The following ZMYM2 variants were observed in gnomAD, a reference collection of about 807,000 sequenced individuals.
ZMYM2 encodes the protein zinc finger MYM-type containing 2.
In ZMYM2, 56 loss-of-function variants were observed where a neutral mutation model predicts 162.8. That is an observed-to-expected ratio of 0.34 (90% confidence interval 0.28 to 0.43). ZMYM2 has a LOEUF of 0.43. Among genes scored for constraint, ZMYM2 ranks in the 20% least tolerant of loss-of-function variants. The pLI is 1.00. For synonymous variants in ZMYM2, 510 were observed against 541.6 expected (o/e 0.94, Z 0.81); for missense variants, 1,275 against 1,621.8 (o/e 0.79, Z 3.67).
At chr13:20,019,654 C>A (rs765143430) in intron 7 of ZMYM2, 36 bp downstream of exon 7, 75 of 1,538,670 alleles carry the variant, frequency 4.9e-5, no homozygotes, top group Non-Finnish European at 6.5e-5. Context: ...AAGGCCTTAA[C>A]ATTTTTGAGC....
the ZMYM2 span, among the ~76,000 whole-genome samples, chr13:19,886,070 A>G: frequency 6.8e-6 from 1 of 147,086 alleles, no homozygotes; most frequent in Non-Finnish European, 1.5e-5. Context: ...TAGGTTCTAT[A>G]TCCATCTTTT....
chr13:19,912,141 A>C, the ZMYM2 span, among the ~76,000 whole-genome samples: 1 of 152,134 alleles, frequency 6.6e-6, no homozygotes, highest in Non-Finnish European at 1.5e-5. Context: ...TGAGTTGGCA[A>C]ATGCTTTCTT....
intron 12 of ZMYM2, 112 bp downstream of exon 12, chr13:20,037,021 G>A (rs867169804): frequency 6.1e-6 from 6 of 980,752 alleles, no homozygotes; most frequent in South Asian, 4.7e-5. Context: ...CACACTTAAG[G>A]CCCAGCCCTG....
In ZMYM2 at chr13:20,085,836, A is replaced by T; in HGVS notation, c.3956A>T (p.Asn1319Ile). 1 of 1,606,780 alleles carries T rather than the reference A, an allele frequency of 6.2e-7. No individual in the cohort carries two copies. Among genetic ancestry groups the T allele is most frequent in the South Asian group, 1.1e-5 (1 of 89,570 alleles). The change falls in exon 25 of 25, where the codon AAT becomes ATT. Residue 1319 changes from asparagine (N) to isoleucine (I), a missense_variant. By Grantham distance (149) the Asn-to-Ile change is moderately radical (BLOSUM62 -3). Transcript: ENST00000610343. The stretch of plus-strand genomic sequence containing the variant: ...CGCCTCCAAAGTCCACAGAATCTTA[A>T]TCAGAGGATGGATGTTTTTTATTTG... ...CYLSKSPQNL[N>I]QRMDVFYLQP...
rs940714410 is a variant in ZMYM2, at chr13:20,087,615, C to T, written c.*1601C>T. 3.2e-5 allele frequency: 6 copies of T among 184,638 alleles called. No homozygotes were observed. In the Admixed American group the frequency reaches 3.7e-4, roughly 12 times the overall value. 11.4% of individuals were successfully genotyped at this position (184,638 alleles called of 1,614,324 possible). ...TTCTCAATTCTGATTTGGAAAATTT[C>T]ACAGGTGTCATTATTGTATATCTAA... On this transcript the variant is annotated 3_prime_UTR_variant, in exon 25 of 25. Transcript: ENST00000610343.
In ZMYM2 at chr13:20,083,790, A is replaced by G. The variant is rs570038184; in HGVS notation, c.3941+14A>G. 3 of 1,594,210 alleles carry G rather than the reference A, an allele frequency of 1.9e-6. No homozygotes were observed. Among genetic ancestry groups the G allele is most frequent in the Non-Finnish European group, 2.6e-6 (3 of 1,171,244 alleles). On this transcript the variant is annotated intron_variant, in intron 24 of 24. Transcript: ENST00000610343. ...CTTGTCTAAAAGGTGAGTGTTAATGATACTTAACTTTTAAAAATGTTGGTA... is the reference window on the plus strand; with the variant it reads ...CTTGTCTAAAAGGTGAGTGTTAATGGTACTTAACTTTTAAAAATGTTGGTA...
rs1306251292 is a variant in ZMYM2 at position 20,011,575 on chromosome 13, T to TTTG, written c.1512+4991_1512+4992insGTT. 7.7e-4 allele frequency among the ~76,000 whole-genome samples: 115 copies of TTTG among 150,102 alleles called. 2 individuals are homozygous for TTTG. Among genetic ancestry groups the TTTG allele is most frequent in the African/African-American group, 2.7e-3 (108 of 40,674 alleles). On this transcript the variant is annotated intron_variant, in intron 6 of 24. Transcript: ENST00000610343. ...TGTGCAGAAGTTTTTATTTTTTTGT[T>TTTG]TTATTTTTTTTTTTTTTGAGGGGTG...
intron 21 of ZMYM2, among the ~76,000 whole-genome samples, chr13:20,075,179 A>G (rs1280255503): frequency 1.3e-5 from 2 of 152,228 alleles, no homozygotes; most frequent in Non-Finnish European, 1.5e-5. Flanking sequence ...AAGTGTGCAT[A>G]TTTTTCTGTC....
At chr13:20,006,162 G>T (rs1950726394) in intron 5 of ZMYM2, among the ~76,000 whole-genome samples, 2 of 151,800 alleles carry the variant, frequency 1.3e-5, no homozygotes, top group South Asian at 4.1e-4. Context: ...GAGCCCAGGG[G>T]ATTGAGGCTG....
chr13:20,051,321 A>G (rs1955322592), intron 12 of ZMYM2, 112 bp from the exon 13 acceptor site: 4 of 901,966 alleles, frequency 4.4e-6, no homozygotes, highest in South Asian at 4.6e-5. Flanking sequence ...TTATAGTTCT[A>G]CTTTTTCTGT....
chr13:19,930,974 C>G, the ZMYM2 span, among the ~76,000 whole-genome samples: 1 of 150,908 alleles, frequency 6.6e-6, no homozygotes, highest in Non-Finnish European at 1.5e-5. Flanking sequence ...CCCATCTCTA[C>G]TAAAAATACA....
Position 19,992,689 on chromosome 13 carries a change from T to TC in ZMYM2, c.-10-372dup, listed in dbSNP as rs530410469. ...TTGTCAGATTTTGATTTTTTTTTTT[T>TC]CCTGTTCAGATGTGTGGGAGGATTT... On this transcript the variant is annotated intron_variant, in intron 2 of 24. Transcript: ENST00000610343. 1.1e-3 allele frequency among the ~76,000 whole-genome samples: 172 copies of TC among 152,158 alleles called. 1 individual carries two copies. In the Middle Eastern group the frequency reaches 0.017, roughly 15 times the overall value.
At chr13:19,994,669 G>T (rs1360968874) in intron 3 of ZMYM2, among the ~76,000 whole-genome samples, 3 of 151,864 alleles carry the variant, frequency 2.0e-5, no homozygotes, top group Non-Finnish European at 4.4e-5. Flanking sequence ...TTTGTATTTT[G>T]TATGGGGTTT....
At chr13:20,048,511 G>A (rs758749481) in intron 12 of ZMYM2, among the ~76,000 whole-genome samples, 40 of 151,940 alleles carry the variant, frequency 2.6e-4, no homozygotes, top group Admixed American at 1.1e-3. Flanking sequence ...TGCTTAAAAT[G>A]TCTGTAAAAT....
At position 20,086,916 on chromosome 13, in the gene ZMYM2, T is replaced by C. The variant is rs978338214; in HGVS notation, c.*902T>C. ...CCATAAGTATCTGAAATCCTCTTCA[T>C]TTATAGAGGTTTGATTTTTATTTCT... On this transcript the variant is annotated 3_prime_UTR_variant, in exon 25 of 25. Transcript: ENST00000610343. The C allele has an allele frequency of 1.1e-5, 2 of 177,954 alleles. No homozygotes were observed. The highest frequency in any genetic ancestry group is 2.4e-5 in the Non-Finnish European group (2 of 82,868). 11.0% of individuals were successfully genotyped at this position (177,954 alleles called of 1,614,324 possible).
At chr13:20,013,725 C>T (rs989422631) in intron 6 of ZMYM2, among the ~76,000 whole-genome samples, 8 of 151,942 alleles carry the variant, frequency 5.3e-5, no homozygotes, top group Admixed American at 2.6e-4. Context: ...TTATGTGGTA[C>T]GTTACATGGA....
intron 2 of ZMYM2, among the ~76,000 whole-genome samples, chr13:19,988,892 C>T (rs1338432144): frequency 6.6e-6 from 1 of 152,176 alleles, no homozygotes; most frequent in Non-Finnish European, 1.5e-5. Flanking sequence ...GAGATTGCAT[C>T]TTTGACTAGA....
intron 2 of ZMYM2, among the ~76,000 whole-genome samples, chr13:19,988,804 A>G (rs1260954797): frequency 6.6e-6 from 1 of 152,110 alleles, no homozygotes; most frequent in Non-Finnish European, 1.5e-5. Context: ...AAGACAAATT[A>G]ATGATTCATT....
At chr13:19,926,369 T>TA in the ZMYM2 span, among the ~76,000 whole-genome samples, 8 of 149,116 alleles carry the variant, frequency 5.4e-5, no homozygotes, top group African/African-American at 9.9e-5. Flanking sequence ...TATTTTTTTT[T>TA]TTTTTTTTTT....
Sources: gnomAD v4.1 joint callset for allele counts (sites outside exome capture counted in the v4.1 genomes callset) on GRCh38, gnomAD v4.1.1 for gene constraint, MANE v1.5 for transcripts, NCBI Gene and HGNC (gene_info 2026-07-23, HGNC 2026-07-21) for gene names.